The following ANTXR1 variants were observed in gnomAD, a reference collection of about 807,000 sequenced individuals.
ANTXR1 encodes ANTXR cell adhesion molecule 1.
ANTXR1 carries 19 observed loss-of-function variants against 78.1 expected under a neutral mutation model. The ratio of observed to expected loss-of-function variants is 0.24; its 90% CI spans 0.17 to 0.36. The LOEUF (loss-of-function observed/expected upper bound fraction) is 0.36, where lower values mean the gene tolerates loss of function less well. Among genes scored for constraint, ANTXR1 ranks in the 10% least tolerant of loss-of-function variants. ANTXR1 has a pLI of 1.00. For missense variants in ANTXR1, 518 were observed against 718.6 expected, an observed-to-expected ratio of 0.72 and a Z score of 3.19; for synonymous variants, 273 against 260.5, an observed-to-expected ratio of 1.05 and a Z score of -0.46.
chr2:69,069,454 G>A (rs112406220), intron 3 of ANTXR1, among the ~76,000 whole-genome samples: 1 of 152,174 alleles, frequency 6.6e-6, no homozygotes, highest in East Asian at 1.9e-4. Context: ...TTTAGACAGA[G>A]CCTGGCACCA....
intron 13 of ANTXR1, among the ~76,000 whole-genome samples, chr2:69,161,137 A>T (rs1573943795): frequency 6.6e-6 from 1 of 152,202 alleles, no homozygotes. Flanking sequence ...AGCCTCAGGG[A>T]ATCTGAAATC....
intron 1 of ANTXR1, among the ~76,000 whole-genome samples, chr2:69,038,952 TAAAATA>T (rs1669533508): frequency 6.6e-6 from 1 of 152,200 alleles, no homozygotes; most frequent in Non-Finnish European, 1.5e-5. Context: ...TAAATCTCTA[TAAAATA>T]GTTTGAAACA....
intron 9 of ANTXR1, among the ~76,000 whole-genome samples, chr2:69,091,619 C>T (rs1671240787): frequency 6.6e-6 from 1 of 152,090 alleles, no homozygotes; most frequent in African/African-American, 2.4e-5. Flanking sequence ...ACCAGACAAT[C>T]ATAGTGGTCA....
rs540972249 is a variant in ANTXR1 at position 69,241,160 on chromosome 2, T to C, written c.1435-4065T>C. On this transcript the variant is annotated intron_variant, in intron 17 of 17. Transcript: ENST00000303714. ...CACCCAAAACCAATACTGTGGAAAA[T>C]AAAACTGGGTCACAAAGACCAGTGT... 3.9e-5 allele frequency among the ~76,000 whole-genome samples: 6 copies of C among 152,242 alleles called. No homozygotes were observed. The East Asian group carries it at 1.2e-3, about 29-fold the overall frequency.
At chr2:69,245,142 G>A (rs551041014) in intron 17 of ANTXR1, 83 bp from the exon 18 acceptor site, 11 of 1,542,514 alleles carry the variant, frequency 7.1e-6, no homozygotes, top group Non-Finnish European at 9.9e-6. Context: ...TCCACATATT[G>A]CTTGCAAGCC....
intron 17 of ANTXR1, among the ~76,000 whole-genome samples, chr2:69,225,699 G>T (rs1478605247): frequency 6.6e-6 from 1 of 151,982 alleles, no homozygotes; most frequent in African/African-American, 2.4e-5. Context: ...AAAGCAACAG[G>T]TTTAGAGAAA....
At chr2:69,113,164 T>G (rs1359437645) in intron 10 of ANTXR1, among the ~76,000 whole-genome samples, 1 of 152,154 alleles carries the variant, frequency 6.6e-6, no homozygotes. Context: ...GATTTGCTTG[T>G]GAACTTCTCT....
chr2:69,150,431 C>A (rs2104427412), intron 12 of ANTXR1, among the ~76,000 whole-genome samples: 1 of 152,314 alleles, frequency 6.6e-6, no homozygotes, highest in South Asian at 2.1e-4. Flanking sequence ...GATAAGAATC[C>A]CTGGGCCCAG....
chr2:69,038,993 C>T (rs922580473), intron 1 of ANTXR1, among the ~76,000 whole-genome samples: 2 of 152,134 alleles, frequency 1.3e-5, no homozygotes, highest in African/African-American at 4.8e-5. Flanking sequence ...ACAAATAGCT[C>T]TCTGGATGTT....
chr2:69,070,793 C>T, intron 4 of ANTXR1, 65 bp downstream of exon 4: 6 of 1,468,066 alleles, frequency 4.1e-6, no homozygotes, highest in Non-Finnish European at 5.7e-6. Context: ...CATGGGGTGA[C>T]TGATGAGATA....
At position 69,058,755 on chromosome 2, in the gene ANTXR1, T is replaced by C. The variant is rs1031992640; in HGVS notation, c.297-11892T>C. The stretch of plus-strand genomic sequence containing the variant: ...CTGCCATACATAGTGATTCCTCTGA[T>C]GGATCTTGGCAAAGTAGATTGAAAA... On this transcript the variant is annotated intron_variant, in intron 3 of 17. Transcript: ENST00000303714. Among the ~76,000 whole-genome samples the C allele has an allele frequency of 7.2e-5, 11 of 152,364 alleles. No individual in the cohort carries two copies. The South Asian group carries it at 1.9e-3, about 26-fold the overall frequency.
chr2:69,224,617 T>C (rs1573989114), intron 17 of ANTXR1, among the ~76,000 whole-genome samples: 1 of 152,034 alleles, frequency 6.6e-6, no homozygotes. Context: ...TCAGGCCCTC[T>C]CTTGACCAGA....
rs76229612 is a variant in ANTXR1 at position 69,077,335 on chromosome 2, A to G, written c.562-73A>G. ...ATATAACTAGAGCCCCTTAGCCCCAACGGCTTTCCTAAATTTTCCACATCC... is the reference window on the plus strand; with the variant it reads ...ATATAACTAGAGCCCCTTAGCCCCAGCGGCTTTCCTAAATTTTCCACATCC... On this transcript the variant is annotated intron_variant, in intron 7 of 17. Transcript: ENST00000303714. The G allele has an allele frequency of 6.7e-3, 10,409 of 1,551,758 alleles. 289 individuals carry two copies. In the East Asian group the frequency reaches 0.094, roughly 14 times the overall value.
chr2:69,073,757 TCTTTC>T (rs1670646401), intron 6 of ANTXR1, among the ~76,000 whole-genome samples: 3 of 152,246 alleles, frequency 2.0e-5, no homozygotes, highest in Admixed American at 6.5e-5. Flanking sequence ...GAAATTCTTT[TCTTTC>T]AAGTTTCACA....
intron 13 of ANTXR1, among the ~76,000 whole-genome samples, chr2:69,153,384 AT>A (rs1673447376): frequency 1.3e-5 from 2 of 152,100 alleles, no homozygotes; most frequent in South Asian, 4.2e-4. Context: ...GAGGTGGCAA[AT>A]GAGTGAGATG....
chr2:69,090,100 G>T (rs979039266), intron 8 of ANTXR1, among the ~76,000 whole-genome samples: 2 of 152,010 alleles, frequency 1.3e-5, no homozygotes. Flanking sequence ...GTCTCAGGAG[G>T]TCTTCCTGAA....
intron 16 of ANTXR1, among the ~76,000 whole-genome samples, chr2:69,193,036 T>C (rs1002123864): frequency 1.3e-5 from 2 of 152,200 alleles, no homozygotes; most frequent in Non-Finnish European, 2.9e-5. Flanking sequence ...CCCAGAAATG[T>C]GATAAAGACA....
chr2:69,077,612 C>T, intron 8 of ANTXR1, 124 bp downstream of exon 8: 1 of 1,048,456 alleles, frequency 9.5e-7, no homozygotes, highest in Non-Finnish European at 1.5e-6. Context: ...ATCATTTCTT[C>T]CTATATCTTT....
chr2:69,128,058 C>T (rs927323207), intron 12 of ANTXR1, among the ~76,000 whole-genome samples: 2 of 152,018 alleles, frequency 1.3e-5, no homozygotes, highest in African/African-American at 4.8e-5. Context: ...AACTCTGCCT[C>T]TACTAAAATA....
Sources: allele counts gnomAD v4.1 joint callset (sites outside exome capture counted in the v4.1 genomes callset), GRCh38; gene constraint gnomAD v4.1.1; transcripts MANE v1.5; gene names NCBI Gene and HGNC (gene_info 2026-07-23, HGNC 2026-07-21).